MRTFA: variants seen among roughly 807,000 people sequenced by gnomAD.
MRTFA encodes the protein myocardin-related transcription factor A.
MRTFA carries 20 observed loss-of-function variants against 83.5 expected under a neutral mutation model. That is an observed-to-expected ratio of 0.24 (90% CI 0.17 to 0.35). The LOEUF (loss-of-function observed/expected upper bound fraction) is 0.35, where lower values mean the gene tolerates loss of function less well. Ranked by LOEUF, MRTFA falls within the 10% of genes least tolerant of loss-of-function variation. MRTFA has a pLI of 1.00. For missense variants in MRTFA, 1,200 were observed against 1,224.7 expected (o/e 0.98, Z 0.30); for synonymous variants, 659 against 541.2 (o/e 1.22, Z -3.02).
At chr22:40,571,921 CAAAAAAAAAAAAA>C (rs557782525) in intron 2 of MRTFA, among the ~76,000 whole-genome samples, 8 of 18,726 alleles carry the variant, frequency 4.3e-4, no homozygotes, top group African/African-American at 1.6e-3. Flanking sequence ...AAGACTCTGT[CAAAAAAAAAAAAA>C]AAAAAAAAAA....
chr22:40,479,262 G>A (rs974099461), intron 3 of MRTFA, among the ~76,000 whole-genome samples: 4 of 152,096 alleles, frequency 2.6e-5, no homozygotes, highest in Non-Finnish European at 4.4e-5. Flanking sequence ...CCAGCTAAGG[G>A]GAGAATGCAT....
chr22:40,631,089 T>C (rs2056636821), intron 1 of MRTFA, among the ~76,000 whole-genome samples: 1 of 152,208 alleles, frequency 6.6e-6, no homozygotes, highest in Admixed American at 6.5e-5. Context: ...CCTCCTTGGG[T>C]CTTATTTTAA....
At chr22:40,557,674 AG>A (rs1412986753) in intron 2 of MRTFA, among the ~76,000 whole-genome samples, 8 of 152,132 alleles carry the variant, frequency 5.3e-5, no homozygotes, top group Non-Finnish European at 1.5e-5. Flanking sequence ...TTAAAAGGTA[AG>A]TTTATTATCT....
rs2052671932 is a variant in MRTFA, at chr22:40,416,015, C to CA, written c.2578+970dup. 6.6e-6 allele frequency among the ~76,000 whole-genome samples: 1 copy of CA among 152,202 alleles called. No homozygotes were observed. The highest frequency in any genetic ancestry group is 1.5e-5 in the Non-Finnish European group (1 of 68,030). The stretch of plus-strand genomic sequence containing the variant: ...GTGACAACACTCCAACTCCTACCTC[C>CA]AGCCCAGACCTCTCTCACAAATGCC... On this transcript the variant is annotated intron_variant, in intron 14 of 14. Transcript: ENST00000355630. This position sits in a 1 kb window ranked among gnomAD's most constrained non-coding sequence, Gnocchi z 4.2.
chr22:40,556,368 A>C (rs1413014304), intron 2 of MRTFA, among the ~76,000 whole-genome samples: 4 of 152,188 alleles, frequency 2.6e-5, no homozygotes, highest in Non-Finnish European at 5.9e-5. Flanking sequence ...CCCAAACCTG[A>C]CTGTAGTTCT....
At chr22:40,415,666 G>T (rs1483870971) in intron 14 of MRTFA, among the ~76,000 whole-genome samples, 1 of 151,856 alleles carries the variant, frequency 6.6e-6, no homozygotes, top group Non-Finnish European at 1.5e-5. Flanking sequence ...TCCCAGCTGG[G>T]TCCCCTCACA....
intron 1 of MRTFA, among the ~76,000 whole-genome samples, chr22:40,621,421 C>T (rs6001981): frequency 0.1 from 15,309 of 152,032 alleles, 928 homozygotes; most frequent in East Asian, 0.25. Context: ...GTAATCAAAA[C>T]CATAGAGACA....
intron 3 of MRTFA, among the ~76,000 whole-genome samples, chr22:40,539,723 C>T (rs1299686765): frequency 6.6e-6 from 1 of 151,844 alleles, no homozygotes; most frequent in African/African-American, 2.4e-5. Flanking sequence ...AGGATGGTCT[C>T]GATCTCTTGA....
chr22:40,414,676 T>TA (rs1196846624), intron 14 of MRTFA, among the ~76,000 whole-genome samples: 3 of 151,910 alleles, frequency 2.0e-5, no homozygotes, highest in African/African-American at 7.3e-5. Flanking sequence ...GGCAAATCCA[T>TA]AGAGAAAGTG....
chr22:40,478,629 C>T (rs1051300291), intron 3 of MRTFA, among the ~76,000 whole-genome samples: 1 of 152,134 alleles, frequency 6.6e-6, no homozygotes, highest in African/African-American at 2.4e-5. Context: ...ATTTTCTTGG[C>T]GTGAGACGAC....
intron 3 of MRTFA, among the ~76,000 whole-genome samples, chr22:40,545,433 CTT>C (rs1193828918): frequency 1.4e-4 from 20 of 142,842 alleles, no homozygotes; most frequent in African/African-American, 7.6e-5. Flanking sequence ...CACTGAATTC[CTT>C]TTTTTTTTTT....
intron 3 of MRTFA, chr22:40,523,088 C>T (rs1284614260): frequency 1.3e-5 from 2 of 151,604 alleles, no homozygotes; most frequent in African/African-American, 2.4e-5. Context: ...CAAAAATAAG[C>T]CTATTTGTTC....
chr22:40,535,025 T>C (rs1034520866), intron 3 of MRTFA, among the ~76,000 whole-genome samples: 3 of 152,172 alleles, frequency 2.0e-5, no homozygotes, highest in Non-Finnish European at 4.4e-5. Context: ...CTTCCTTCCT[T>C]TCTCACTCCA....
At chr22:40,486,609 A>G (rs566091625) in intron 3 of MRTFA, among the ~76,000 whole-genome samples, 1 of 152,270 alleles carries the variant, frequency 6.6e-6, no homozygotes, top group African/African-American at 2.4e-5. Flanking sequence ...TGTCTAAACA[A>G]CTGTATTTGA....
chr22:40,584,295 G>C (rs111770863), intron 2 of MRTFA, among the ~76,000 whole-genome samples: 41 of 152,318 alleles, frequency 2.7e-4, no homozygotes, highest in African/African-American at 9.4e-4. Context: ...AAATAAGTAA[G>C]TGGCAAAGCC....
chr22:40,497,361 G>C (rs1027288979), intron 3 of MRTFA, among the ~76,000 whole-genome samples: 2 of 152,204 alleles, frequency 1.3e-5, no homozygotes, highest in Admixed American at 6.5e-5. Context: ...ATGGAGAATA[G>C]AGAGAAAGAG....
intron 2 of MRTFA, among the ~76,000 whole-genome samples, chr22:40,593,694 G>A (rs1411288704): frequency 6.6e-6 from 1 of 152,162 alleles, no homozygotes; most frequent in East Asian, 1.9e-4. Flanking sequence ...GTTTTTCCCT[G>A]TAGCAATGTA....
intron 3 of MRTFA, 56 bp downstream of exon 3, chr22:40,552,050 T>C: frequency 2.5e-6 from 1 of 397,470 alleles, no homozygotes; most frequent in Non-Finnish European, 4.4e-6. Context: ...TGTAACATTA[T>C]AAACATGAAG....
chr22:40,424,593 G>T (rs1170320802), intron 7 of MRTFA, among the ~76,000 whole-genome samples: 4 of 152,178 alleles, frequency 2.6e-5, no homozygotes, highest in Non-Finnish European at 5.9e-5. Flanking sequence ...GGCCAGAAAG[G>T]CCTCCTAGGC....
Sources: allele counts gnomAD v4.1 joint callset (sites outside exome capture counted in the v4.1 genomes callset), GRCh38; gene constraint gnomAD v4.1.1; non-coding constraint Gnocchi (gnomAD v3.1); transcripts MANE v1.5; gene names NCBI Gene and HGNC (gene_info 2026-07-23, HGNC 2026-07-21).